SEPTIN7: variants seen among roughly 807,000 people sequenced by gnomAD.
The protein encoded by SEPTIN7 is septin-7.
SEPTIN7 carries 10 observed loss-of-function variants against 63.3 expected under a neutral mutation model. That is an observed-to-expected ratio of 0.16 (90% CI 0.10 to 0.27). The LOEUF is 0.27. Ranked by LOEUF, SEPTIN7 falls within the 10% of genes least tolerant of loss-of-function variation. SEPTIN7 has a pLI of 1.00. For missense variants in SEPTIN7, 310 were observed against 521.0 expected (o/e 0.59, Z 3.94); for synonymous variants, 131 against 165.3 (o/e 0.79, Z 1.59).
At chr7:35,913,701 C>T in the SEPTIN7 span, among the ~76,000 whole-genome samples, 4 of 152,088 alleles carry the variant, frequency 2.6e-5, no homozygotes, top group African/African-American at 9.7e-5. Flanking sequence ...AGCGATCCTC[C>T]AACCTCAGCC....
At position 35,882,572 on chromosome 7, in the gene SEPTIN7, TA is replaced by T; in HGVS notation, c.722del (p.Lys241ArgfsTer9). ...GAAGAAAATAAACTTGTTAAAAAGA[TA>T]AAGGTAGGTTCATCCCTGTACACAC... is the stretch of plus-strand genomic sequence containing the variant. ...DEEENKLVKK[I>X]KDRLPLAVVG... On this transcript the variant is annotated frameshift_variant, in exon 8 of 14. Coordinates refer to ENST00000350320, the MANE Select transcript of SEPTIN7 (RefSeq NM_001788.6). LOFTEE classifies it high-confidence loss of function. 6.8e-7 allele frequency: 1 copy of T among 1,476,608 alleles called. No individual in the cohort carries two copies. The highest frequency in any genetic ancestry group is 9.0e-7 in the Non-Finnish European group (1 of 1,105,216). The allele number at this position is 1,476,608 out of a possible 1,614,324, so 91.5% of individuals were successfully genotyped here. A position where few individuals can be genotyped will look rare whatever the true frequency, so the allele number is the denominator to read the frequency against.
At chr7:35,840,449 A>G (rs1321182828) in intron 3 of SEPTIN7, among the ~76,000 whole-genome samples, 1 of 150,542 alleles carries the variant, frequency 6.6e-6, no homozygotes, top group Non-Finnish European at 1.5e-5. Context: ...AATAAAACAA[A>G]ATTTGTTTTG....
At chr7:35,876,049 G>C (rs1786457430) in intron 6 of SEPTIN7, among the ~76,000 whole-genome samples, 1 of 152,060 alleles carries the variant, frequency 6.6e-6, no homozygotes, top group Admixed American at 6.5e-5. Flanking sequence ...CATTTTGTAG[G>C]CTTCTGAAAT....
intron 1 of SEPTIN7, among the ~76,000 whole-genome samples, chr7:35,822,625 C>T (rs919015812): frequency 2.6e-5 from 4 of 152,200 alleles, no homozygotes; most frequent in African/African-American, 9.7e-5. Flanking sequence ...CTTACCTCCT[C>T]TTGTGCGGCC....
chr7:35,897,668 T>C (rs1788034193), intron 11 of SEPTIN7, among the ~76,000 whole-genome samples: 1 of 152,186 alleles, frequency 6.6e-6, no homozygotes, highest in African/African-American at 2.4e-5. Context: ...TTGAGTTAAG[T>C]AGAATGAATT....
intron 1 of SEPTIN7, chr7:35,803,157 G>T: frequency 7.2e-6 from 7 of 966,678 alleles, no homozygotes; most frequent in Non-Finnish European, 7.4e-6. Context: ...AACAATTTTT[G>T]TTGCAGGCTT....
intron 1 of SEPTIN7, among the ~76,000 whole-genome samples, chr7:35,810,369 G>A (rs1346769883): frequency 6.6e-6 from 1 of 151,138 alleles, no homozygotes; most frequent in African/African-American, 2.4e-5. Flanking sequence ...TGTCACCCAG[G>A]CTATAGTGCA....
intron 1 of SEPTIN7, among the ~76,000 whole-genome samples, chr7:35,814,956 CAG>C (rs1788955555): frequency 8.7e-6 from 1 of 114,288 alleles, no homozygotes; most frequent in East Asian, 2.5e-4. Context: ...GCCTAGGCGA[CAG>C]AGCGAGACTC....
chr7:35,913,508 ATTCC>A, the SEPTIN7 span, among the ~76,000 whole-genome samples: 106 of 82,018 alleles, frequency 1.3e-3, 1 homozygote, highest in Middle Eastern at 0.012. Flanking sequence ...CCTTCCCTTC[ATTCC>A]TTCCTTCCTT....
chr7:35,803,224 T>C (rs1029204037), intron 1 of SEPTIN7: 1 of 723,106 alleles, frequency 1.4e-6, no homozygotes, highest in African/African-American at 1.9e-5. Context: ...TAAAAGATTG[T>C]ATTTCAGAAG....
intron 3 of SEPTIN7, among the ~76,000 whole-genome samples, chr7:35,851,519 TTGAG>T (rs1306586759): frequency 6.6e-6 from 1 of 152,168 alleles, no homozygotes; most frequent in Non-Finnish European, 1.5e-5. Flanking sequence ...TCTTTTTATC[TTGAG>T]TAATTTTTTT....
rs1333739764 is a variant in SEPTIN7 at position 35,906,237 on chromosome 7, A to G, written c.*1944A>G. 2.0e-5 allele frequency: 3 copies of G among 152,220 alleles called. No homozygotes were observed. Among genetic ancestry groups the G allele is most frequent in the African/African-American group, 4.8e-5 (2 of 41,450 alleles). The allele number at this position is 152,220 out of a possible 1,614,324, so 9.4% of individuals were successfully genotyped here. ...ATAATAATAAATTTGTAAGACATTCATTATTCTACCATCCTAATGAAAACT... is the reference window on the plus strand; with the variant it reads ...ATAATAATAAATTTGTAAGACATTCGTTATTCTACCATCCTAATGAAAACT... On this transcript the variant is annotated 3_prime_UTR_variant, in exon 14 of 14. Coordinates refer to ENST00000350320, the MANE Select transcript of SEPTIN7 (RefSeq NM_001788.6).
intron 3 of SEPTIN7, chr7:35,847,496 T>A (rs1300646002): frequency 6.6e-6 from 1 of 152,420 alleles, no homozygotes; most frequent in East Asian, 1.9e-4. Flanking sequence ...GCTAATTTGG[T>A]ATTAGAGGTT....
chr7:35,890,775 A>G lies in SEPTIN7; in HGVS notation c.980A>G (p.Asn327Ser). 1 of 1,585,432 alleles carries G rather than the reference A, an allele frequency of 6.3e-7. No homozygotes were observed. The highest frequency in any genetic ancestry group is 1.2e-5 in the South Asian group (1 of 86,032). ...TATAATGGAGTTGATAACAACAAGA[A>G]TAAAGGGCAGCTGACTAAGTAAGTA... ...VTYNGVDNNKNKGQLTKSPLA... is the reference protein window; with the variant it reads ...VTYNGVDNNKSKGQLTKSPLA... The change falls in exon 11 of 14, where the codon AAT (asparagine) becomes AGT (serine). Residue 327 changes from asparagine (N) to serine (S), a missense_variant. This residue lies in a region of SEPTIN7 where 255 missense variants were observed against 490.5 expected (regional missense o/e 0.52). Transcript: ENST00000350320.
chr7:35,894,122 C>T lies in SEPTIN7; in HGVS notation c.998+3329C>T, dbSNP rs369016110. Among the ~76,000 whole-genome samples, 62 of 68,080 alleles carry T rather than the reference C, an allele frequency of 9.1e-4. 1 individual carries two copies. Among genetic ancestry groups the T allele is most frequent in the African/African-American group, 2.7e-3 (60 of 22,622 alleles). 44.7% of individuals were successfully genotyped at this position (68,080 alleles called of 152,430 possible). A position where few individuals can be genotyped will look rare whatever the true frequency, so the allele number is the denominator to read the frequency against. ...GTGTGATCCCCAATAAGAGGAGGGC[C>T]GTCTTTTTTTTTTTTTTTTTCTAAA... On this transcript the variant is annotated intron_variant, in intron 11 of 13. Coordinates refer to ENST00000350320, the MANE Select transcript of SEPTIN7 (RefSeq NM_001788.6).
intron 13 of SEPTIN7, 70 bp from the exon 14 acceptor site, chr7:35,904,181 CTGT>C (rs1356058375): frequency 5.4e-6 from 6 of 1,103,978 alleles, no homozygotes; most frequent in Non-Finnish European, 7.6e-6. Context: ...ATTGGGTTAG[CTGT>C]TGTTATCATG....
intron 3 of SEPTIN7, among the ~76,000 whole-genome samples, chr7:35,842,432 T>C (rs1784454245): frequency 1.3e-5 from 2 of 152,058 alleles, no homozygotes; most frequent in Admixed American, 1.3e-4. Flanking sequence ...TTTTACTATA[T>C]AGGAGTATAT....
chr7:35,868,593 G>A lies in SEPTIN7; in HGVS notation c.277-4073G>A, dbSNP rs1583591541. ...GAGAAGTGAGTGGTGAGTCAGTGAA[G>A]ATGGGTGATGGCTATTAAGGAAGGG... On this transcript the variant is annotated intron_variant, in intron 4 of 13. Coordinates refer to ENST00000350320, the MANE Select transcript of SEPTIN7 (RefSeq NM_001788.6). Among the ~76,000 whole-genome samples the A allele has an allele frequency of 2.6e-5, 4 of 152,244 alleles. No homozygotes were observed. The South Asian group carries it at 8.3e-4, about 32-fold the overall frequency.
chr7:35,862,996 TA>T (rs1488638235), intron 3 of SEPTIN7, among the ~76,000 whole-genome samples: 2 of 152,070 alleles, frequency 1.3e-5, no homozygotes, highest in Non-Finnish European at 2.9e-5. Flanking sequence ...AGTAATTACC[TA>T]AGATTTTTTG....
Sources: gnomAD v4.1 joint callset for allele counts (sites outside exome capture counted in the v4.1 genomes callset) on GRCh38, gnomAD v4.1.1 for gene constraint, gnomAD v4.1.1 regional missense constraint, MANE v1.5 for transcripts, NCBI Gene and HGNC (gene_info 2026-07-23, HGNC 2026-07-21) for gene names.